Variants in NAV3 observed in about 807,000 individuals in gnomAD.
NAV3 encodes pore membrane and/or filament interacting like protein 1.
A neutral mutation model predicts 244.7 loss-of-function variants in NAV3; 87 were observed. The observed-to-expected ratio is 0.36, with a 90% CI of 0.30 to 0.42. NAV3 has a LOEUF of 0.42. Among genes scored for constraint, NAV3 ranks in the 20% least tolerant of loss-of-function variants. NAV3 has a pLI of 1.00. For synonymous variants in NAV3, 1,126 were observed against 1,042.2 expected (o/e 1.08, Z -1.55); for missense variants, 2,663 against 2,893.3 (o/e 0.92, Z 1.83).
chr12:78,005,121 C>T (rs1873974846), intron 7 of NAV3, among the ~76,000 whole-genome samples: 1 of 152,180 alleles, frequency 6.6e-6, no homozygotes, highest in Non-Finnish European at 1.5e-5. Context: ...CCCACCGAAG[C>T]TCCCAGGCAC....
rs139796696 is a variant in NAV3, at chr12:77,912,832, G to A, written c.244-27487G>A. Among the ~76,000 whole-genome samples, 87 of 152,046 alleles carry A rather than the reference G, an allele frequency of 5.7e-4. 1 individual carries two copies. The East Asian group carries it at 0.015, about 26-fold the overall frequency. On this transcript the variant is annotated intron_variant, in intron 1 of 39. Coordinates refer to ENST00000397909, the MANE Select transcript of NAV3 (RefSeq NM_001024383.2). ...TCACCATATTGCTCAGGCTGGTCTC[G>A]AACTCCTGACCTCACGTGATCCACC...
intron 2 of NAV3, among the ~76,000 whole-genome samples, chr12:77,605,202 T>G (rs1173017453): frequency 2.0e-5 from 3 of 152,104 alleles, no homozygotes; most frequent in African/African-American, 7.2e-5. Context: ...AATCATTCAT[T>G]CAATCATCTC....
intron 31 of NAV3, among the ~76,000 whole-genome samples, chr12:78,187,364 C>T (rs1958767824): frequency 6.6e-6 from 1 of 151,762 alleles, no homozygotes; most frequent in African/African-American, 2.4e-5. Flanking sequence ...GATTATTCTA[C>T]CACCCGTTAA....
chr12:78,132,836 C>A (rs1330283873), intron 18 of NAV3, among the ~76,000 whole-genome samples: 3 of 152,234 alleles, frequency 2.0e-5, no homozygotes, highest in East Asian at 1.9e-4. Flanking sequence ...AAATCAAAGT[C>A]TTTTCTTAAG....
intron 1 of NAV3, among the ~76,000 whole-genome samples, chr12:77,895,978 AAGAGG>A: frequency 7.5e-6 from 1 of 134,226 alleles, no homozygotes; most frequent in African/African-American, 2.8e-5. Flanking sequence ...AAAAAAAAAA[AAGAGG>A]AACTCTTTTA....
intron 2 of NAV3, among the ~76,000 whole-genome samples, chr12:77,648,130 A>G (rs373027077): frequency 2.0e-5 from 3 of 152,276 alleles, no homozygotes; most frequent in East Asian, 3.9e-4. Context: ...ATAAAATTGA[A>G]TATTTCAACT....
At chr12:77,655,898 A>G (rs532093976) in intron 2 of NAV3, among the ~76,000 whole-genome samples, 1 of 147,124 alleles carries the variant, frequency 6.8e-6, no homozygotes, top group South Asian at 2.1e-4. Context: ...TTTGCAGACA[A>G]GCAAATGCTG....
intron 23 of NAV3, among the ~76,000 whole-genome samples, chr12:78,160,574 C>T (rs974670282): frequency 1.3e-5 from 2 of 151,998 alleles, no homozygotes; most frequent in African/African-American, 4.8e-5. Flanking sequence ...TCTTTAGATT[C>T]TGTAAGTTAT....
rs190586625 is a variant in NAV3, at chr12:78,020,897, C to T, written c.1908-850C>T. On this transcript the variant is annotated intron_variant, in intron 8 of 39. Coordinates refer to ENST00000397909, the MANE Select transcript of NAV3 (RefSeq NM_001024383.2). The stretch of plus-strand genomic sequence containing the variant: ...TGAGATGTCTCTAAAGAACACAGTC[C>T]AGTGTGCAATCCTATATTACCTCGC... Among the ~76,000 whole-genome samples the T allele has an allele frequency of 5.9e-5, 9 of 152,170 alleles. No individual in the cohort carries two copies. The East Asian group carries it at 1.7e-3, about 29-fold the overall frequency.
intron 1 of NAV3, among the ~76,000 whole-genome samples, chr12:77,840,833 C>T (rs1875513649): frequency 6.6e-6 from 1 of 152,144 alleles, no homozygotes; most frequent in South Asian, 2.1e-4. Flanking sequence ...CTCTGAGTCT[C>T]CCTCTCTGAT....
intron 2 of NAV3, among the ~76,000 whole-genome samples, chr12:77,592,290 G>A (rs1345508713): frequency 6.6e-6 from 1 of 152,158 alleles, no homozygotes; most frequent in African/African-American, 2.4e-5. Context: ...CCTAGGACTA[G>A]GTACGTATGT....
At chr12:77,781,731 T>C (rs1318428264) in intron 2 of NAV3, among the ~76,000 whole-genome samples, 1 of 152,208 alleles carries the variant, frequency 6.6e-6, no homozygotes, top group African/African-American at 2.4e-5. Flanking sequence ...CAGATACTTT[T>C]GGTTTACAAT....
chr12:77,982,052 T>C (rs1164426872), intron 5 of NAV3, among the ~76,000 whole-genome samples: 3 of 152,202 alleles, frequency 2.0e-5, no homozygotes, highest in African/African-American at 7.2e-5. Flanking sequence ...TGATGTAATG[T>C]CAAAGATTGT....
intron 24 of NAV3, among the ~76,000 whole-genome samples, chr12:78,169,880 C>T (rs755529288): frequency 8.6e-5 from 13 of 151,800 alleles, no homozygotes; most frequent in African/African-American, 2.9e-4. Context: ...TTCTAATGTT[C>T]GTGACATCAT....
chr12:78,065,478 A>G (rs1372514542), intron 12 of NAV3, among the ~76,000 whole-genome samples: 1 of 152,184 alleles, frequency 6.6e-6, no homozygotes, highest in Non-Finnish European at 1.5e-5. Context: ...AAGAGTGAAT[A>G]AAGGAAGAAC....
intron 2 of NAV3, among the ~76,000 whole-genome samples, chr12:77,606,965 C>T (rs918398242): frequency 6.6e-6 from 1 of 152,000 alleles, no homozygotes; most frequent in Non-Finnish European, 1.5e-5. Context: ...TGTTCTACTC[C>T]TGAAAACTGA....
chr12:78,164,959 G>A (rs943170761), intron 23 of NAV3, among the ~76,000 whole-genome samples: 1 of 152,136 alleles, frequency 6.6e-6, no homozygotes, highest in South Asian at 2.1e-4. Context: ...TAAGAAACTG[G>A]GTTGGAAAGG....
At chr12:78,206,849 T>A (rs1158516932) in intron 39 of NAV3, among the ~76,000 whole-genome samples, 2 of 115,586 alleles carry the variant, frequency 1.7e-5, no homozygotes, top group Admixed American at 1.2e-4. Context: ...TTTCTTTCTT[T>A]CTTACTTTTT....
At chr12:77,810,946 G>T (rs1056173862) in intron 2 of NAV3, among the ~76,000 whole-genome samples, 2 of 152,136 alleles carry the variant, frequency 1.3e-5, no homozygotes, top group Non-Finnish European at 2.9e-5. Context: ...AAAAGAAGAA[G>T]CCCTGTAATC....
Sources: allele counts gnomAD v4.1 joint callset (sites outside exome capture counted in the v4.1 genomes callset), GRCh38; gene constraint gnomAD v4.1.1; transcripts MANE v1.5; gene names NCBI Gene and HGNC (gene_info 2026-07-23, HGNC 2026-07-21).